Variants in MYO1B observed in about 807,000 individuals in gnomAD.
The protein encoded by MYO1B is unconventional myosin-Ib.
In MYO1B, 72 loss-of-function variants were observed where a neutral mutation model predicts 159.7. The observed-to-expected ratio is 0.45, with a 90% CI of 0.37 to 0.55. MYO1B has a LOEUF of 0.55. Ranked by LOEUF, MYO1B falls within the 20% of genes least tolerant of loss-of-function variation. The pLI is 0.00. For synonymous variants in MYO1B, 468 were observed against 473.8 expected, an observed-to-expected ratio of 0.99 and a Z score of 0.16; for missense variants, 1,062 against 1,364.8, an observed-to-expected ratio of 0.78 and a Z score of 3.50.
Position 191,362,286 on chromosome 2 carries a change from G to A in MYO1B, c.680G>A (p.Arg227Lys). Reference sequence around the variant, plus strand: ...TCAATAGATAAACTTAAGCTTGAGAGGGATTTCAGCAGGTATAACTACCTG... The same window carrying A: ...TCAATAGATAAACTTAAGCTTGAGAAGGATTTCAGCAGGTATAACTACCTG... Reference protein sequence around the residue: ...EELLNKLKLERDFSRYNYLSL... With the variant: ...EELLNKLKLEKDFSRYNYLSL... Residue 227 changes from arginine (R) to lysine (K), a missense_variant, in exon 9 of 31, where the codon AGG (arginine) becomes AAG (lysine). This residue lies in a region of MYO1B where 415 missense variants were observed against 544.0 expected (regional missense o/e 0.76). Transcript: ENST00000392318. The A allele has an allele frequency of 5.0e-6, 8 of 1,613,692 alleles. No homozygotes were observed. The highest frequency in any genetic ancestry group is 1.1e-5 in the South Asian group (1 of 91,018).
At chr2:191,414,251 G>A in intron 28 of MYO1B, 71 bp downstream of exon 28, 7 of 1,525,736 alleles carry the variant, frequency 4.6e-6, no homozygotes, top group Non-Finnish European at 6.2e-6. Context: ...TTTTCTGAAT[G>A]TAAAAATTTG....
chr2:191,304,378 C>G (rs1689516747), intron 3 of MYO1B, among the ~76,000 whole-genome samples: 1 of 152,168 alleles, frequency 6.6e-6, no homozygotes, highest in Non-Finnish European at 1.5e-5. Context: ...CGAGACTAGC[C>G]TGACCAACAT....
At chr2:191,326,034 A>C (rs1034793161) in intron 3 of MYO1B, among the ~76,000 whole-genome samples, 1 of 152,212 alleles carries the variant, frequency 6.6e-6, no homozygotes, top group Non-Finnish European at 1.5e-5. Context: ...GGACAGAAGA[A>C]GAGGATAAAA....
At position 191,411,098 on chromosome 2, in the gene MYO1B, G is replaced by T; in HGVS notation, c.2799G>T (p.Gln933His). 2 of 1,611,654 alleles carry T rather than the reference G, an allele frequency of 1.2e-6. No individual in the cohort carries two copies. The highest frequency in any genetic ancestry group is 1.7e-6 in the Non-Finnish European group (2 of 1,179,148). The change falls in exon 27 of 31, where the codon CAG (glutamine) becomes CAT (histidine). Residue 933 changes from glutamine (Q) to histidine (H), a missense_variant. Coordinates refer to ENST00000392318, the MANE Select transcript of MYO1B (RefSeq NM_001130158.3). ...CKKYRDQFTD[Q>H]QKLIYEEKLE... Reference sequence around the variant, plus strand: ...AATACAGGGACCAATTCACAGACCAGCAGAAACTTATTTATGAAGAGAAAC... The same window carrying T: ...AATACAGGGACCAATTCACAGACCATCAGAAACTTATTTATGAAGAGAAAC...
chr2:191,332,826 A>G (rs1460740921), intron 4 of MYO1B, among the ~76,000 whole-genome samples: 2 of 152,196 alleles, frequency 1.3e-5, no homozygotes, highest in Admixed American at 6.5e-5. Context: ...GTTCTTGAAC[A>G]TGATTCTTTC....
rs1270133904 is a variant in MYO1B at position 191,302,726 on chromosome 2, T to C, written c.251+6500T>C. On this transcript the variant is annotated intron_variant, in intron 3 of 30. Coordinates refer to ENST00000392318, the MANE Select transcript of MYO1B (RefSeq NM_001130158.3). ...TGTGATGGCCATATTACCTTAGGCA[T>C]TGCAGTCACAAGGTGAAGCAGTCTT... Among the ~76,000 whole-genome samples the C allele has an allele frequency of 3.9e-5, 6 of 152,318 alleles. No homozygotes were observed. The East Asian group carries it at 7.7e-4, about 20-fold the overall frequency.
chr2:191,383,929 G>A (rs1395436129), intron 15 of MYO1B, among the ~76,000 whole-genome samples: 2 of 152,138 alleles, frequency 1.3e-5, no homozygotes, highest in African/African-American at 4.8e-5. Context: ...ACAACCTCTG[G>A]AGCTGAATTA....
chr2:191,296,154 C>A lies in MYO1B; in HGVS notation c.179C>A (p.Ser60Tyr). 2 of 1,609,474 alleles carry A rather than the reference C, an allele frequency of 1.2e-6. No homozygotes were observed. The highest frequency in any genetic ancestry group is 2.2e-5 in the South Asian group (2 of 90,622). Residue 60 changes from serine to tyrosine, a missense_variant, in exon 3 of 31, where the codon TCT becomes TAT. Ser to Tyr is a moderately radical substitution (Grantham distance 144). Transcript: ENST00000392318. ...SVVISVNPYR[S>Y]LPIYSPEKVE... Reference sequence around the variant, plus strand: ...GTTATATCTGTTAACCCATACCGGTCTTTACCCATTTATTCACCAGAGAAA... The same window carrying A: ...GTTATATCTGTTAACCCATACCGGTATTTACCCATTTATTCACCAGAGAAA...
intron 7 of MYO1B, among the ~76,000 whole-genome samples, chr2:191,357,387 G>C (rs918312424): frequency 1.4e-4 from 21 of 152,174 alleles, no homozygotes; most frequent in African/African-American, 4.8e-4. Flanking sequence ...GCAGTGGGGC[G>C]GGGGGCAAGT....
At chr2:191,379,668 T>A (rs1390313849) in intron 13 of MYO1B, among the ~76,000 whole-genome samples, 1 of 152,150 alleles carries the variant, frequency 6.6e-6, no homozygotes, top group Non-Finnish European at 1.5e-5. Flanking sequence ...AGATAACACA[T>A]TTGTTCCATG....
chr2:191,423,685 C>A (rs1698084373), intron 30 of MYO1B, 152 bp from the exon 31 acceptor site: 1 of 678,264 alleles, frequency 1.5e-6, no homozygotes, highest in Non-Finnish European at 2.3e-6. Context: ...TTAAACATTT[C>A]AGAGTTTGGA....
intron 26 of MYO1B, among the ~76,000 whole-genome samples, chr2:191,409,518 C>G (rs572432569): frequency 6.6e-6 from 1 of 152,296 alleles, no homozygotes; most frequent in East Asian, 1.9e-4. Flanking sequence ...ACAGAGAAAT[C>G]ATAAAATTTG....
chr2:191,310,117 C>T (rs1336987449), intron 3 of MYO1B, among the ~76,000 whole-genome samples: 2 of 152,134 alleles, frequency 1.3e-5, no homozygotes, highest in Admixed American at 1.3e-4. Context: ...TTTAATGTAA[C>T]AGTATACTTA....
Position 191,390,321 on chromosome 2 carries a change from C to T in MYO1B, c.1811C>T (p.Ala604Val). 1 of 1,613,978 alleles carries T rather than the reference C, an allele frequency of 6.2e-7. No homozygotes were observed. Among genetic ancestry groups the T allele is most frequent in the Non-Finnish European group, 8.5e-7 (1 of 1,179,858 alleles). Residue 604 changes from alanine (A) to valine (V), a missense_variant, in exon 18 of 31, where the codon GCA becomes GTA. By Grantham distance (64) the Ala-to-Val change is moderately conservative (BLOSUM62 0). Transcript: ENST00000392318. ...RCIKPNDKKA[A>V]HIFNEALVCH... ...ATCAAACCGAATGATAAAAAAGCAG[C>T]ACACATCTTCAACGAGGCTCTAGTG...
At chr2:191,377,548 G>A (rs777189091) in intron 13 of MYO1B, 2 of 152,112 alleles carry the variant, frequency 1.3e-5, no homozygotes, top group Non-Finnish European at 2.9e-5. Context: ...CACATATAAA[G>A]TTGCTTTGGG....
intron 13 of MYO1B, among the ~76,000 whole-genome samples, chr2:191,371,422 G>A (rs916600081): frequency 7.9e-5 from 12 of 152,224 alleles, no homozygotes; most frequent in Admixed American, 1.3e-4. Flanking sequence ...ATTGAGGGCC[G>A]ACTGTATGTA....
intron 7 of MYO1B, among the ~76,000 whole-genome samples, chr2:191,355,475 T>TGGCTTTATTACTGTTAAA (rs1306263438): frequency 1.3e-5 from 2 of 152,206 alleles, no homozygotes; most frequent in African/African-American, 4.8e-5. Context: ...GGAGAGGAAG[T>TGGCTTTATTACTGTTAAA]GGCTTTATTA....
chr2:191,305,965 T>G (rs114297465), intron 3 of MYO1B, among the ~76,000 whole-genome samples: 46 of 152,178 alleles, frequency 3.0e-4, no homozygotes, highest in African/African-American at 1.1e-3. Flanking sequence ...GTTATTTGGG[T>G]GCCCACCGTG....
chr2:191,399,614 G>T (rs1371154486), intron 21 of MYO1B, among the ~76,000 whole-genome samples: 1 of 152,198 alleles, frequency 6.6e-6, no homozygotes, highest in African/African-American at 2.4e-5. Context: ...TGGATCCAGA[G>T]GGGTAGTGCC....
Sources: allele counts gnomAD v4.1 joint callset (sites outside exome capture counted in the v4.1 genomes callset), GRCh38; gene constraint gnomAD v4.1.1; regional missense constraint gnomAD v4.1.1; transcripts MANE v1.5; gene names NCBI Gene and HGNC (gene_info 2026-07-23, HGNC 2026-07-21).